Variants in DMD observed in about 807,000 individuals in gnomAD.
The protein encoded by DMD is mutant dystrophin.
In DMD, 63 loss-of-function variants were observed where a neutral mutation model predicts 330.1. The observed-to-expected ratio is 0.19, with a 90% CI of 0.16 to 0.24. The LOEUF (loss-of-function observed/expected upper bound fraction) is 0.24, where lower values mean the gene tolerates loss of function less well. DMD is among the 10% of genes least tolerant of loss of function. The pLI, the probability that DMD is intolerant of heterozygous loss-of-function variation, is 1.00. For synonymous variants in DMD, 1,223 were observed against 959.8 expected (o/e 1.27, Z -5.07); for missense variants, 3,344 against 2,684.1 (o/e 1.25, Z -5.43).
intron 43 of DMD, among the ~76,000 whole-genome samples, chrX:32,259,148 C>G (rs186447215): frequency 9.1e-6 from 1 of 109,660 alleles, no homozygotes; most frequent in African/African-American, 3.3e-5. Context: ...AGTGTAGCTT[C>G]TGCTTGGCAT....
intron 12 of DMD, among the ~76,000 whole-genome samples, chrX:32,602,742 G>A (rs939382461): frequency 9.0e-6 from 1 of 111,123 alleles, no homozygotes; most frequent in Admixed American, 9.6e-5. Context: ...CACAGTCTCT[G>A]TACCTTCTAT....
At chrX:31,224,123 A>T (rs1366688561) in intron 63 of DMD, among the ~76,000 whole-genome samples, 1 of 112,117 alleles carries the variant, frequency 8.9e-6, no homozygotes, top group Non-Finnish European at 1.9e-5. Flanking sequence ...CTCCTTGAAG[A>T]CAAGAACTCT....
intron 5 of DMD, 137 bp downstream of exon 5, chrX:32,823,158 G>T (rs965249466): frequency 5.9e-6 from 3 of 508,830 alleles, no homozygotes; most frequent in Non-Finnish European, 1.1e-5. Context: ...CGACATGGTA[G>T]TGTCAATTTA....
Position 32,095,883 on chromosome X carries a change from T to C in DMD, c.6438+121033A>G, listed in dbSNP as rs962027821. The stretch of plus-strand genomic sequence containing the variant: ...AGCTAAATGGCAAGCCATTCAGATC[T>C]CTTTCTACTACAGTTGATTATAAGT... On this transcript the variant is annotated intron_variant, in intron 44 of 78. Transcript: ENST00000357033. Among the ~76,000 whole-genome samples the C allele has an allele frequency of 6.4e-4, 66 of 103,710 alleles. 1 individual carries two copies. The highest frequency in any genetic ancestry group is 1.1e-3 in the Non-Finnish European group (56 of 51,013). The allele number at this position is 103,710 out of a possible 115,157, so 90.1% of individuals were successfully genotyped here. A position where few individuals can be genotyped will look rare whatever the true frequency, so the allele number is the denominator to read the frequency against.
At chrX:32,518,203 T>C (rs976764192) in intron 17 of DMD, 72 bp from the exon 18 acceptor site, 23 of 1,010,194 alleles carry the variant, frequency 2.3e-5, no homozygotes, top group Non-Finnish European at 3.0e-5. Context: ...AAGCAATTTA[T>C]CCACATTTAT....
At chrX:32,397,842 C>A (rs2098056415) in intron 30 of DMD, among the ~76,000 whole-genome samples, 1 of 110,894 alleles carries the variant, frequency 9.0e-6, no homozygotes, top group Admixed American at 9.7e-5. Flanking sequence ...AAGTACTTAA[C>A]AGAATGAAGA....
At chrX:31,741,751 A>G (rs1050350160) in intron 51 of DMD, among the ~76,000 whole-genome samples, 1 of 110,254 alleles carries the variant, frequency 9.1e-6, no homozygotes, top group African/African-American at 3.3e-5. Context: ...ACTGAAAGTC[A>G]CCAGTTGCAT....
At chrX:32,412,831 G>A (rs906049200) in intron 29 of DMD, among the ~76,000 whole-genome samples, 4 of 111,169 alleles carry the variant, frequency 3.6e-5, no homozygotes, top group Non-Finnish European at 5.7e-5. Context: ...GTTTTAAGAT[G>A]ATCTTGGTTT....
intron 9 of DMD, among the ~76,000 whole-genome samples, chrX:32,657,657 A>T (rs776357880): frequency 1.8e-5 from 2 of 112,093 alleles, no homozygotes; most frequent in African/African-American, 3.2e-5. Context: ...ATGTTTCAAT[A>T]ATTTTAAAAG....
intron 19 of DMD, among the ~76,000 whole-genome samples, chrX:32,494,853 A>C (rs1448956529): frequency 5.4e-5 from 6 of 111,357 alleles, no homozygotes; most frequent in African/African-American, 2.0e-4. Context: ...GTGTATTTAT[A>C]CATTTTTTAA....
chrX:32,591,827 C>A (rs808554), intron 13 of DMD, among the ~76,000 whole-genome samples: 24,604 of 112,377 alleles, frequency 0.22, 2,015 homozygotes, highest in South Asian at 0.44. Context: ...GGGAAGCCCC[C>A]CTGCCTCCAC....
rs187717382 is a variant in DMD, at chrX:32,827,388, A to G, written c.265-4001T>C. On this transcript the variant is annotated intron_variant, in intron 4 of 78. Transcript: ENST00000357033. ...TAACTGATTGGGAATTGGAGATATT[A>G]TATTCAGGGACAGAATTGTATTCAG... Among the ~76,000 whole-genome samples, 12 of 111,270 alleles carry G rather than the reference A, an allele frequency of 1.1e-4. No homozygotes were observed. In the East Asian group the frequency reaches 3.4e-3, roughly 32 times the overall value.
chrX:32,483,870 C>A, intron 21 of DMD, among the ~76,000 whole-genome samples: 1 of 100,174 alleles, frequency 1.0e-5, no homozygotes, highest in African/African-American at 3.6e-5. Flanking sequence ...TTATTTAGCT[C>A]ATTTCATTTT....
intron 44 of DMD, among the ~76,000 whole-genome samples, chrX:32,069,835 G>T (rs2096283888): frequency 9.0e-6 from 1 of 111,542 alleles, no homozygotes; most frequent in Non-Finnish European, 1.9e-5. Context: ...CATCTGATGG[G>T]AAGACTTGGA....
chrX:31,446,451 G>C (rs1483153756), intron 59 of DMD, among the ~76,000 whole-genome samples: 1 of 104,886 alleles, frequency 9.5e-6, no homozygotes, highest in East Asian at 3.2e-4. Context: ...AAACAAAAGA[G>C]AGCCCCTTCT....
chrX:32,227,046 T>C (rs1416044059), intron 43 of DMD, among the ~76,000 whole-genome samples: 1 of 106,640 alleles, frequency 9.4e-6, no homozygotes, highest in African/African-American at 3.4e-5. Flanking sequence ...GGATGCACAT[T>C]TAGGGACTGT....
chrX:32,056,963 A>G (rs796103430), intron 44 of DMD, among the ~76,000 whole-genome samples: 2 of 111,623 alleles, frequency 1.8e-5, no homozygotes, highest in South Asian at 3.7e-4. Flanking sequence ...AAATGGTTCA[A>G]TTTATGAAAA....
intron 55 of DMD, among the ~76,000 whole-genome samples, chrX:31,516,143 G>T (rs5927761): frequency 9.1e-6 from 1 of 109,988 alleles, no homozygotes; most frequent in South Asian, 3.9e-4. Flanking sequence ...CTTTAGAAAC[G>T]TGTACAGCAA....
chrX:32,294,418 C>T (rs948010225), intron 42 of DMD, among the ~76,000 whole-genome samples: 1 of 111,219 alleles, frequency 9.0e-6, no homozygotes, highest in Non-Finnish European at 1.9e-5. Context: ...ATATGGTATG[C>T]GTGTGTTTGT....
Sources: allele counts gnomAD v4.1 joint callset (sites outside exome capture counted in the v4.1 genomes callset), GRCh38; gene constraint gnomAD v4.1.1; transcripts MANE v1.5; gene names NCBI Gene and HGNC (gene_info 2026-07-23, HGNC 2026-07-21).